CADPS: variants seen among roughly 807,000 people sequenced by gnomAD.
CADPS encodes calcium dependent secretion activator.
A neutral mutation model predicts 167.3 loss-of-function variants in CADPS; 57 were observed. That is an observed-to-expected ratio of 0.34 (90% CI 0.28 to 0.42). The LOEUF (loss-of-function observed/expected upper bound fraction) is 0.42, where lower values mean the gene tolerates loss of function less well. Among genes scored for constraint, CADPS ranks in the 20% least tolerant of loss-of-function variants. The probability of loss-of-function intolerance (pLI) is 1.00; values close to 1 mark genes in which losing one functional copy is unlikely to be tolerated. For synonymous variants in CADPS, 676 were observed against 635.3 expected, an observed-to-expected ratio of 1.06 and a Z score of -0.96; for missense variants, 1,414 against 1,738.1, an observed-to-expected ratio of 0.81 and a Z score of 3.32.
chr3:62,637,747 C>A (rs986376845), intron 6 of CADPS, among the ~76,000 whole-genome samples: 15 of 152,128 alleles, frequency 9.9e-5, no homozygotes, highest in African/African-American at 3.6e-4. Context: ...AAAGTACAGG[C>A]TTTGGGTTTG....
intron 18 of CADPS, among the ~76,000 whole-genome samples, chr3:62,493,914 A>G (rs1167861609): frequency 6.6e-6 from 1 of 152,246 alleles, no homozygotes; most frequent in Non-Finnish European, 1.5e-5. Flanking sequence ...AAAAGTATTC[A>G]TTAAGTTTAC....
chr3:62,431,403 TC>T (rs904219386), intron 28 of CADPS, among the ~76,000 whole-genome samples: 8 of 151,952 alleles, frequency 5.3e-5, no homozygotes, highest in African/African-American at 1.9e-4. Context: ...CCCCCCTCAA[TC>T]TTTTTTTTTT....
intron 10 of CADPS, among the ~76,000 whole-genome samples, chr3:62,553,219 C>T (rs1343347688): frequency 1.3e-5 from 2 of 152,174 alleles, no homozygotes; most frequent in Non-Finnish European, 2.9e-5. Context: ...TACTGTATTT[C>T]TGGAGCTACC....
chr3:62,550,977 C>T (rs2077231126), intron 10 of CADPS: 1 of 454,944 alleles, frequency 2.2e-6, no homozygotes, highest in Admixed American at 2.4e-5. Context: ...TCCTCCTCCT[C>T]TTCCTGATTT....
At chr3:62,818,383 A>G (rs1321587037) in intron 1 of CADPS, among the ~76,000 whole-genome samples, 1 of 152,216 alleles carries the variant, frequency 6.6e-6, no homozygotes, top group Non-Finnish European at 1.5e-5. Context: ...TAGACAAAAG[A>G]CTTGACCAGA....
intron 3 of CADPS, among the ~76,000 whole-genome samples, chr3:62,707,263 A>T (rs991126563): frequency 2.6e-5 from 4 of 152,064 alleles, no homozygotes; most frequent in African/African-American, 9.7e-5. Flanking sequence ...TATGCTCCTT[A>T]TGAGAATCTA....
intron 3 of CADPS, among the ~76,000 whole-genome samples, chr3:62,695,046 T>C (rs540426382): frequency 2.0e-5 from 3 of 152,096 alleles, no homozygotes; most frequent in Non-Finnish European, 4.4e-5. Flanking sequence ...TTTCCACATC[T>C]TAGTTTTTCC....
intron 6 of CADPS, among the ~76,000 whole-genome samples, chr3:62,607,189 G>T (rs762811547): frequency 2.6e-5 from 4 of 152,130 alleles, no homozygotes; most frequent in Non-Finnish European, 5.9e-5. Flanking sequence ...AAAGTCCATG[G>T]CAGTCACTCA....
intron 3 of CADPS, among the ~76,000 whole-genome samples, chr3:62,681,007 GTGATCC>G: frequency 6.6e-6 from 1 of 151,958 alleles, no homozygotes; most frequent in East Asian, 1.9e-4. Flanking sequence ...CATGTTCCCT[GTGATCC>G]TGCTGAATTG....
intron 18 of CADPS, among the ~76,000 whole-genome samples, chr3:62,496,714 A>C (rs968301274): frequency 6.6e-6 from 1 of 152,180 alleles, no homozygotes; most frequent in African/African-American, 2.4e-5. Context: ...TAGGATTCAA[A>C]GCCAAACTTC....
chr3:62,646,891 A>G (rs2068715640), intron 5 of CADPS, among the ~76,000 whole-genome samples: 1 of 152,196 alleles, frequency 6.6e-6, no homozygotes, highest in Non-Finnish European at 1.5e-5. Flanking sequence ...AAACAAAAAC[A>G]TGTCTGCAGC....
intron 10 of CADPS, among the ~76,000 whole-genome samples, chr3:62,553,147 G>C (rs2077575214): frequency 6.6e-6 from 1 of 152,134 alleles, no homozygotes; most frequent in Admixed American, 6.5e-5. Flanking sequence ...AACACGATCA[G>C]GTATCACTTT....
chr3:62,675,075 A>T (rs1179436659), intron 3 of CADPS, among the ~76,000 whole-genome samples: 1 of 152,144 alleles, frequency 6.6e-6, no homozygotes, highest in Non-Finnish European at 1.5e-5. Context: ...AGTGCCAATT[A>T]TGGGGGACTC....
intron 21 of CADPS, among the ~76,000 whole-genome samples, chr3:62,490,548 A>G (rs1006904543): frequency 6.6e-6 from 1 of 152,222 alleles, no homozygotes; most frequent in African/African-American, 2.4e-5. Flanking sequence ...AATTTGCCAA[A>G]CATTTGTGGA....
chr3:62,807,284 G>A (rs1178346581), intron 1 of CADPS, among the ~76,000 whole-genome samples: 1 of 145,286 alleles, frequency 6.9e-6, no homozygotes, highest in Non-Finnish European at 1.5e-5. Flanking sequence ...TTTTTGAGAC[G>A]TAGTTTTGCT....
Position 62,722,438 on chromosome 3 carries a change from GTGAACATCTCA to G in CADPS, c.888+30992_888+31002del, listed in dbSNP as rs201061601. On this transcript the variant is annotated intron_variant, in intron 3 of 29. Transcript: ENST00000383710. The stretch of plus-strand genomic sequence containing the variant: ...TTCATAAACAAGGATATAAGCCCAA[GTGAACATCTCA>G]TGAACATCTCATGAACATCTCAGAA... Among the ~76,000 whole-genome samples, 475 of 152,334 alleles carry G rather than the reference GTGAACATCTCA, an allele frequency of 3.1e-3. 4 individuals are homozygous for G. Among genetic ancestry groups the G allele is most frequent in the Admixed American group, 0.024 (374 of 15,290 alleles).
chr3:62,771,753 T>G (rs1199514513), intron 1 of CADPS, among the ~76,000 whole-genome samples: 2 of 152,198 alleles, frequency 1.3e-5, no homozygotes, highest in Non-Finnish European at 2.9e-5. Flanking sequence ...GCAGCAGCGT[T>G]TGCTAGAACT....
At chr3:62,638,283 A>T (rs1317204374) in intron 6 of CADPS, among the ~76,000 whole-genome samples, 1 of 152,064 alleles carries the variant, frequency 6.6e-6, no homozygotes, top group African/African-American at 2.4e-5. Context: ...TTATTTTCTT[A>T]TTAGTGAGGA....
chr3:62,576,346 T>C (rs990409604), intron 8 of CADPS, among the ~76,000 whole-genome samples: 1 of 152,190 alleles, frequency 6.6e-6, no homozygotes, highest in African/African-American at 2.4e-5. Context: ...TCCTTAGCTG[T>C]AAGATGGGGA....
Sources: gnomAD v4.1 joint callset for allele counts (sites outside exome capture counted in the v4.1 genomes callset) on GRCh38, gnomAD v4.1.1 for gene constraint, MANE v1.5 for transcripts, NCBI Gene and HGNC (gene_info 2026-07-23, HGNC 2026-07-21) for gene names.